The following ECPAS variants were observed in gnomAD, a reference collection of about 807,000 sequenced individuals.
ECPAS encodes the protein Ecm29 proteasome adaptor and scaffold.
In ECPAS, 70 loss-of-function variants were observed where a neutral mutation model predicts 255.1. The ratio of observed to expected loss-of-function variants is 0.27; its 90% CI spans 0.23 to 0.33. ECPAS has a LOEUF of 0.33. Among genes scored for constraint, ECPAS ranks in the 10% least tolerant of loss-of-function variants. The pLI, the probability that ECPAS is intolerant of heterozygous loss-of-function variation, is 1.00. For synonymous variants in ECPAS, 784 were observed against 775.0 expected (o/e 1.01, Z -0.19); for missense variants, 1,817 against 2,206.4 (o/e 0.82, Z 3.54).
rs1214006093 is a variant in ECPAS, at chr9:111,442,271, G to A, written c.389+35C>T. On this transcript the variant is annotated intron_variant, in intron 5 of 49. Coordinates refer to ENST00000684092, the MANE Select transcript of ECPAS (RefSeq NM_001364929.1). ...ATTTGAAAGGCAGTTGTTGACTCCT[G>A]TAGGAGGGAAATTAGTTAATTGAGG... The A allele has an allele frequency of 2.2e-6, 3 of 1,392,012 alleles. No individual in the cohort carries two copies. The Admixed American group carries it at 5.8e-5, about 27-fold the overall frequency. 86.2% of individuals were successfully genotyped at this position (1,392,012 alleles called of 1,614,324 possible).
At chr9:111,391,616 TG>T in intron 29 of ECPAS, 139 bp downstream of exon 29, 1 of 590,630 alleles carries the variant, frequency 1.7e-6, no homozygotes, top group South Asian at 2.4e-5. Context: ...CTTTTTTCCA[TG>T]TAAGTTTTCT....
rs1181284801 is a variant in ECPAS, at chr9:111,473,017, C to CA, written c.-82-18dup. On this transcript the variant is annotated splice_polypyrimidine_tract_variant and intron_variant, in intron 1 of 49. Transcript: ENST00000684092. ...ATAAAGAATCTATTATTTAGAACACCAAAAAAATACAATTAACAGATGTAT... is the reference window on the plus strand; with the variant it reads ...ATAAAGAATCTATTATTTAGAACACCAAAAAAAATACAATTAACAGATGTAT... 60 of 823,238 alleles carry CA rather than the reference C, an allele frequency of 7.3e-5. No individual in the cohort carries two copies. The highest frequency in any genetic ancestry group is 7.9e-5 in the Non-Finnish European group (51 of 645,334). The allele number at this position is 823,238 out of a possible 1,614,324, so 51.0% of individuals were successfully genotyped here. A position where few individuals can be genotyped will look rare whatever the true frequency, so the allele number is the denominator to read the frequency against.
chr9:111,455,452 C>G (rs2098265699), intron 2 of ECPAS, among the ~76,000 whole-genome samples: 1 of 152,072 alleles, frequency 6.6e-6, no homozygotes. Flanking sequence ...CCACTGCACT[C>G]CAGTCTGGGC....
At chr9:111,478,297 G>T (rs1026022333) in intron 1 of ECPAS, among the ~76,000 whole-genome samples, 21 of 152,080 alleles carry the variant, frequency 1.4e-4, no homozygotes, top group African/African-American at 5.1e-4. Flanking sequence ...GGGAGGCAGA[G>T]GTGGGTGGAT....
chr9:111,361,913 C>A lies in ECPAS; in HGVS notation c.*117G>T. 1 of 1,167,808 alleles carries A rather than the reference C, an allele frequency of 8.6e-7. No homozygotes were observed. The highest frequency in any genetic ancestry group is 1.2e-6 in the Non-Finnish European group (1 of 859,206). The allele number at this position is 1,167,808 out of a possible 1,614,324, so 72.3% of individuals were successfully genotyped here. ...TAAGGCTTTTTCTTTTTATTTCAGC[C>A]AAGGAATGATGCATGCTACAGATTA... On this transcript the variant is annotated 3_prime_UTR_variant, in exon 50 of 50. Transcript: ENST00000684092.
At chr9:111,376,934 T>C (rs16916025) in intron 36 of ECPAS, among the ~76,000 whole-genome samples, 18,938 of 152,278 alleles carry the variant, frequency 0.12, 1,462 homozygotes, top group East Asian at 0.34. Context: ...ACTTTGTAAT[T>C]ACCCTTCGTA....
chr9:111,402,811 T>A (rs1188658431), intron 24 of ECPAS, among the ~76,000 whole-genome samples: 1 of 151,640 alleles, frequency 6.6e-6, no homozygotes. Context: ...CTCAAAAAAG[T>A]CTAAACAGAT....
rs2098113332 is a variant in ECPAS at position 111,361,575 on chromosome 9, T to G, written c.*455A>C. Reference sequence around the variant, plus strand: ...ACATTAAACACCTGGGTTCTGACTTTGGCACAGGCCTCAGAAAGCCTCTGA... The same window carrying G: ...ACATTAAACACCTGGGTTCTGACTTGGGCACAGGCCTCAGAAAGCCTCTGA... On this transcript the variant is annotated 3_prime_UTR_variant, in exon 50 of 50. Coordinates refer to ENST00000684092, the MANE Select transcript of ECPAS (RefSeq NM_001364929.1). The G allele has an allele frequency of 6.6e-6, 1 of 152,608 alleles. No individual in the cohort carries two copies. The highest frequency in any genetic ancestry group is 2.4e-5 in the African/African-American group (1 of 41,464). The allele number at this position is 152,608 out of a possible 1,614,324, so 9.5% of individuals were successfully genotyped here. A position where few individuals can be genotyped will look rare whatever the true frequency, so the allele number is the denominator to read the frequency against.
At chr9:111,384,047 G>A (rs1038219757) in intron 34 of ECPAS, among the ~76,000 whole-genome samples, 5 of 152,124 alleles carry the variant, frequency 3.3e-5, no homozygotes, top group Non-Finnish European at 7.3e-5. Context: ...ATGTGAAACA[G>A]GAAAACACCT....
chr9:111,484,101 G>A lies in ECPAS; in HGVS notation c.-83+15C>T. On this transcript the variant is annotated intron_variant, in intron 1 of 49. Transcript: ENST00000684092. ...GCAGGGCCAGTCCCCCGCGGCCCGG[G>A]GGCGGGCCTCTGACCTGAGTCGGAG... is the stretch of plus-strand genomic sequence containing the variant. 1 of 1,349,400 alleles carries A rather than the reference G, an allele frequency of 7.4e-7. No individual in the cohort carries two copies. Among genetic ancestry groups the A allele is most frequent in the Non-Finnish European group, 9.5e-7 (1 of 1,049,460 alleles). 83.6% of individuals were successfully genotyped at this position (1,349,400 alleles called of 1,614,324 possible).
intron 24 of ECPAS, among the ~76,000 whole-genome samples, chr9:111,407,647 A>C (rs2098187241): frequency 6.6e-6 from 1 of 151,966 alleles, no homozygotes; most frequent in Admixed American, 6.6e-5. Flanking sequence ...AGCCTCAATT[A>C]TCTCTTCTCC....
chr9:111,453,802 C>T (rs2098263448), intron 2 of ECPAS, among the ~76,000 whole-genome samples: 1 of 151,950 alleles, frequency 6.6e-6, no homozygotes, highest in African/African-American at 2.4e-5. Context: ...TATAAGACAC[C>T]TGGCCAGTAC....
At chr9:111,399,041 T>C (rs914687743) in intron 24 of ECPAS, among the ~76,000 whole-genome samples, 1 of 136,292 alleles carries the variant, frequency 7.3e-6, no homozygotes, top group African/African-American at 3.3e-5. Flanking sequence ...TAAAAGAATA[T>C]AATAGGATTG....
At chr9:111,440,568 T>A in intron 5 of ECPAS, 47 bp from the exon 6 acceptor site, 1 of 1,425,986 alleles carries the variant, frequency 7.0e-7, no homozygotes, top group African/African-American at 1.4e-5. Flanking sequence ...AAATGAGATT[T>A]TTATACATGC....
intron 1 of ECPAS, among the ~76,000 whole-genome samples, chr9:111,476,744 T>A (rs749388430): frequency 2.0e-5 from 3 of 151,482 alleles, no homozygotes; most frequent in Non-Finnish European, 2.9e-5. Flanking sequence ...CTCACTGCAA[T>A]CTCTGCCTCC....
intron 24 of ECPAS, among the ~76,000 whole-genome samples, chr9:111,402,913 A>G (rs2098178322): frequency 1.3e-5 from 2 of 152,200 alleles, no homozygotes; most frequent in Admixed American, 6.5e-5. Flanking sequence ...CTTCCAAAAC[A>G]ACCAGAAAAC....
intron 3 of ECPAS, among the ~76,000 whole-genome samples, chr9:111,449,076 A>G (rs1419902570): frequency 6.6e-6 from 1 of 152,194 alleles, no homozygotes; most frequent in African/African-American, 2.4e-5. Flanking sequence ...TCCAAGCCTC[A>G]GTTTCATCTG....
intron 47 of ECPAS, 34 bp downstream of exon 47, chr9:111,366,488 A>G (rs1306168089): frequency 6.6e-7 from 1 of 1,508,610 alleles, no homozygotes; most frequent in East Asian, 2.3e-5. Flanking sequence ...GCGGGGAGGA[A>G]CAAAATAAAA....
chr9:111,440,585 CAG>C, intron 5 of ECPAS, 64 bp from the exon 6 acceptor site: 1 of 1,285,386 alleles, frequency 7.8e-7, no homozygotes, highest in Non-Finnish European at 1.1e-6. Context: ...ATGCAAAACA[CAG>C]ACAAAACAAA....
Sources: allele counts gnomAD v4.1 joint callset (sites outside exome capture counted in the v4.1 genomes callset), GRCh38; gene constraint gnomAD v4.1.1; transcripts MANE v1.5; gene names NCBI Gene and HGNC (gene_info 2026-07-23, HGNC 2026-07-21).